The following CD33 variants were observed in gnomAD, a reference collection of about 807,000 sequenced individuals.
CD33 encodes the protein CD33 molecule.
A neutral mutation model predicts 31.4 loss-of-function variants in CD33; 25 were observed. The ratio of observed to expected loss-of-function variants is 0.80; its 90% confidence interval spans 0.58 to 1.11. The LOEUF (loss-of-function observed/expected upper bound fraction) is 1.11, where lower values mean the gene tolerates loss of function less well. CD33 is among the 50% of genes most tolerant of loss of function. The pLI is 0.00. For missense variants in CD33, 407 were observed against 448.1 expected (o/e 0.91, Z 0.83); for synonymous variants, 176 against 180.6 (o/e 0.97, Z 0.20).
chr19:51,239,660 C>T lies in CD33; in HGVS notation c.1067C>T (p.Thr356Ile). 1.2e-6 allele frequency: 2 copies of T among 1,613,036 alleles called. No individual in the cohort carries two copies. Among genetic ancestry groups the T allele is most frequent in the Non-Finnish European group, 1.7e-6 (2 of 1,179,716 alleles). The change falls in exon 7 of 7, where the codon ACC becomes ATC. Residue 356 changes from threonine (T) to isoleucine (I), a missense_variant. Coordinates refer to ENST00000262262, the MANE Select transcript of CD33 (RefSeq NM_001772.4). ...ATGAATCCTTCCAAGGACACCTCCA[C>T]CGAATACTCAGAGGTCAGGACCCAG... ...HGMNPSKDTS[T>I]EYSEVRTQ
chr19:51,216,223 A>AGTGTGT, the CD33 span, among the ~76,000 whole-genome samples: 43 of 128,486 alleles, frequency 3.3e-4, 1 homozygote, highest in East Asian at 7.1e-4. Context: ...ATGTCACCCG[A>AGTGTGT]GTGTGTGTGT....
At chr19:51,212,058 C>T in the CD33 span, 15 of 791,686 alleles carry the variant, frequency 1.9e-5, no homozygotes, top group Middle Eastern at 2.6e-4. Flanking sequence ...AACCATCCAA[C>T]TCAGTGTCTC....
intron 4 of CD33, among the ~76,000 whole-genome samples, chr19:51,231,616 T>TC (rs1981421660): frequency 6.7e-6 from 1 of 150,174 alleles, no homozygotes. Context: ...TTTTTTTTTT[T>TC]TGTAGTGATA....
At chr19:51,235,496 TC>T (rs1981719826) in intron 5 of CD33, 98 bp from the exon 6 acceptor site, 2 of 1,484,366 alleles carry the variant, frequency 1.3e-6, no homozygotes, top group Admixed American at 4.8e-5. Flanking sequence ...CCTGGATTAA[TC>T]CCACCCTTTA....
chr19:51,217,914 C>T, the CD33 span, among the ~76,000 whole-genome samples: 3 of 152,074 alleles, frequency 2.0e-5, no homozygotes, highest in Non-Finnish European at 4.4e-5. Context: ...TTGTATAACC[C>T]CCATTTTCTT....
intron 4 of CD33, among the ~76,000 whole-genome samples, chr19:51,230,385 A>G (rs1599870465): frequency 6.6e-6 from 1 of 152,190 alleles, no homozygotes; most frequent in East Asian, 1.9e-4. Flanking sequence ...CATTTGGTAT[A>G]TGGTGCAGTT....
intron 5 of CD33, 26 bp from the exon 6 acceptor site, chr19:51,235,569 T>C (rs558681033): frequency 1.9e-6 from 3 of 1,605,196 alleles, no homozygotes; most frequent in Non-Finnish European, 2.6e-6. Context: ...AAAACCAGGC[T>C]CAAAGACCCT....
At chr19:51,230,087 G>C (rs1981300516) in intron 4 of CD33, among the ~76,000 whole-genome samples, 2 of 152,030 alleles carry the variant, frequency 1.3e-5, no homozygotes, top group Admixed American at 1.3e-4. Context: ...TTTATTTTGA[G>C]AAATTTTTAA....
chr19:51,226,258 C>G (rs549104922), intron 3 of CD33, 51 bp from the exon 4 acceptor site: 30 of 1,574,292 alleles, frequency 1.9e-5, no homozygotes, highest in East Asian at 1.6e-4. Context: ...AATGCCTACC[C>G]TTATCTCATC....
chr19:51,235,514 A>G (rs1297275421), intron 5 of CD33, 81 bp from the exon 6 acceptor site: 2 of 1,508,906 alleles, frequency 1.3e-6, no homozygotes, highest in South Asian at 1.3e-5. Context: ...TTTACCTGCC[A>G]AAGTCCCTCA....
chr19:51,211,847 C>A, the CD33 span: 2 of 1,203,008 alleles, frequency 1.7e-6, no homozygotes, highest in Admixed American at 1.7e-5. Context: ...CTGGCCACCC[C>A]AGGAACCTGA....
Position 51,239,554 on chromosome 19 carries a change from G to A in CD33, c.961G>A (p.Glu321Lys), listed in dbSNP as rs749574667. ...QKKSKLHGPT[E>K]TSSCSGAAPT... ...GAAGTCCAAGTTACATGGCCCCACT[G>A]AAACCTCAAGCTGTTCAGGTGCCGC... The change falls in exon 7 of 7, where the codon GAA (glutamate) becomes AAA (lysine). Residue 321 changes from glutamate to lysine, a missense_variant. By Grantham distance (56) the Glu-to-Lys change is moderately conservative (BLOSUM62 1). Coordinates refer to ENST00000262262, the MANE Select transcript of CD33 (RefSeq NM_001772.4). 2 of 1,611,884 alleles carry A rather than the reference G, an allele frequency of 1.2e-6. No homozygotes were observed. The highest frequency in any genetic ancestry group is 1.1e-5 in the South Asian group (1 of 90,564).
At position 51,235,207 on chromosome 19, in the gene CD33, G is replaced by T. The variant is rs1334260076; in HGVS notation, c.796G>T (p.Gly266Cys). 6.2e-7 allele frequency: 1 copy of T among 1,614,158 alleles called. No individual in the cohort carries two copies. The highest frequency in any genetic ancestry group is 8.5e-7 in the Non-Finnish European group (1 of 1,180,014). Reference protein sequence around the residue: ...GVVHGAIGGAGVTALLALCLC... With the variant: ...GVVHGAIGGACVTALLALCLC... ...GGTTCATGGGGCCATTGGAGGAGCTGGTGTTACAGCCCTGCTCGCTCTTTG... is the reference window on the plus strand; with the variant it reads ...GGTTCATGGGGCCATTGGAGGAGCTTGTGTTACAGCCCTGCTCGCTCTTTG... Residue 266 changes from glycine (G) to cysteine (C), a missense_variant, in exon 5 of 7, where the codon GGT becomes TGT. By Grantham distance (159) the Gly-to-Cys change is radical. Coordinates refer to ENST00000262262, the MANE Select transcript of CD33 (RefSeq NM_001772.4).
chr19:51,211,361 G>A, the CD33 span: 1 of 1,555,656 alleles, frequency 6.4e-7, no homozygotes, highest in Non-Finnish European at 8.8e-7. Context: ...TTCCGGGAAG[G>A]AGCCATTGTA....
intron 4 of CD33, among the ~76,000 whole-genome samples, chr19:51,233,724 G>C (rs1981584755): frequency 6.6e-6 from 1 of 152,234 alleles, no homozygotes; most frequent in South Asian, 2.1e-4. Flanking sequence ...TATCTGCAGT[G>C]GCACTGGAGG....
Position 51,225,274 on chromosome 19 carries a change from C to T in CD33, c.94C>T (p.Gln32Ter). ...GCAAGTGCAGGAGTCAGTGACGGTACAGGAGGGTTTGTGCGTCCTCGTGCC... is the reference window on the plus strand; with the variant it reads ...GCAAGTGCAGGAGTCAGTGACGGTATAGGAGGGTTTGTGCGTCCTCGTGCC... ...WLQVQESVTV[Q>*]EGLCVLVPCT... Residue 32 changes from glutamine to a stop codon, truncating the protein, a stop_gained, in exon 2 of 7, where the codon CAG (glutamine) becomes TAG (stop). Transcript: ENST00000262262. LOFTEE classifies it high-confidence loss of function. The T allele has an allele frequency of 6.2e-7, 1 of 1,614,116 alleles. No homozygotes were observed. Among genetic ancestry groups the T allele is most frequent in the Admixed American group, 1.7e-5 (1 of 60,020 alleles).
At chr19:51,236,602 C>T (rs1981823401) in intron 6 of CD33, 1 of 152,154 alleles carries the variant, frequency 6.6e-6, no homozygotes, top group Non-Finnish European at 1.5e-5. Flanking sequence ...TCAGTAATGC[C>T]CCAGATGTCA....
chr19:51,216,223 AGTGTGTGTGTGTGT>A, the CD33 span, among the ~76,000 whole-genome samples: 6 of 128,406 alleles, frequency 4.7e-5, no homozygotes, highest in Admixed American at 2.7e-4. Flanking sequence ...ATGTCACCCG[AGTGTGTGTGTGTGT>A]GTGTGTGTGT....
At chr19:51,233,798 A>C (rs113464261) in intron 4 of CD33, among the ~76,000 whole-genome samples, 2,430 of 152,236 alleles carry the variant, frequency 0.016, 32 homozygotes, top group Middle Eastern at 0.034. Flanking sequence ...TCTGGGACAA[A>C]CCAATCTGGG....
Sources: allele counts gnomAD v4.1 joint callset (sites outside exome capture counted in the v4.1 genomes callset), GRCh38; gene constraint gnomAD v4.1.1; transcripts MANE v1.5; gene names NCBI Gene and HGNC (gene_info 2026-07-23, HGNC 2026-07-21).